Variants in PACRG observed in about 807,000 individuals in gnomAD.
PACRG encodes the protein parkin coregulated.
A neutral mutation model predicts 29.7 loss-of-function variants in PACRG; 29 were observed. The ratio of observed to expected loss-of-function variants is 0.98; its 90% CI spans 0.73 to 1.33. PACRG has a LOEUF of 1.33. PACRG is among the 40% of genes most tolerant of loss of function. The probability of loss-of-function intolerance (pLI) is 0.00; values close to 1 mark genes in which losing one functional copy is unlikely to be tolerated. For synonymous variants in PACRG, 116 were observed against 118.7 expected (o/e 0.98, Z 0.15); for missense variants, 279 against 316.2 (o/e 0.88, Z 0.89).
At chr6:162,909,407 T>G (rs1796151391) in intron 2 of PACRG, among the ~76,000 whole-genome samples, 1 of 151,736 alleles carries the variant, frequency 6.6e-6, no homozygotes, top group Admixed American at 6.6e-5. Flanking sequence ...TACAAAAAAT[T>G]AGCCAGGCGT....
intron 2 of PACRG, among the ~76,000 whole-genome samples, chr6:162,967,348 G>A (rs1257841520): frequency 2.6e-5 from 4 of 152,064 alleles, no homozygotes; most frequent in African/African-American, 9.7e-5. Context: ...CTGAAAGTGT[G>A]TTATTAAAAG....
intron 4 of PACRG, among the ~76,000 whole-genome samples, chr6:163,303,684 T>C (rs1442956783): frequency 6.6e-6 from 1 of 151,996 alleles, no homozygotes; most frequent in Non-Finnish European, 1.5e-5. Flanking sequence ...AAAAATCCGA[T>C]ATGTTCTTCT....
At chr6:162,936,943 T>G (rs1798276766) in intron 2 of PACRG, among the ~76,000 whole-genome samples, 1 of 152,156 alleles carries the variant, frequency 6.6e-6, no homozygotes, top group Admixed American at 6.5e-5. Flanking sequence ...GGCCATCTTT[T>G]CAGTTTCTGA....
At chr6:163,035,363 A>C (rs761253946) in intron 2 of PACRG, among the ~76,000 whole-genome samples, 1 of 152,108 alleles carries the variant, frequency 6.6e-6, no homozygotes, top group Non-Finnish European at 1.5e-5. Flanking sequence ...AAATACAAAA[A>C]TTAGGCTGGG....
At position 162,939,920 on chromosome 6, in the gene PACRG, A is replaced by T. The variant is rs1277197113; in HGVS notation, c.292-122230A>T. ...ATACAGTAAATTAGTTCATACTGGT[A>T]ATTATATTTTCTAAAATTATTGAAG... On this transcript the variant is annotated intron_variant, in intron 2 of 4. Transcript: ENST00000366888. Among the ~76,000 whole-genome samples the T allele has an allele frequency of 2.0e-5, 3 of 152,168 alleles. No individual in the cohort carries two copies. The East Asian group carries it at 5.8e-4, about 29-fold the overall frequency.
intron 2 of PACRG, among the ~76,000 whole-genome samples, chr6:162,962,237 T>C (rs1385930864): frequency 2.0e-5 from 3 of 152,176 alleles, no homozygotes; most frequent in African/African-American, 7.2e-5. Flanking sequence ...CTAATGCCCT[T>C]TACCAGGCTC....
At chr6:163,226,163 A>G (rs550150919) in intron 4 of PACRG, among the ~76,000 whole-genome samples, 4 of 152,270 alleles carry the variant, frequency 2.6e-5, no homozygotes, top group Non-Finnish European at 4.4e-5. Flanking sequence ...AGTCAAATTC[A>G]TAGAAGCAGA....
intron 2 of PACRG, among the ~76,000 whole-genome samples, chr6:162,934,836 G>T (rs1798118629): frequency 6.6e-6 from 1 of 152,084 alleles, no homozygotes; most frequent in South Asian, 2.1e-4. Flanking sequence ...ACACATGCAG[G>T]GTTCCCTTAA....
chr6:163,262,153 G>A (rs1429103107), intron 4 of PACRG, among the ~76,000 whole-genome samples: 1 of 152,194 alleles, frequency 6.6e-6, no homozygotes, highest in Non-Finnish European at 1.5e-5. Context: ...CCTGGCCCAA[G>A]ACTTTGAGCT....
intron 4 of PACRG, among the ~76,000 whole-genome samples, chr6:163,189,209 T>G (rs1780090732): frequency 6.6e-6 from 1 of 152,256 alleles, no homozygotes; most frequent in Admixed American, 6.5e-5. Context: ...AACATAGTTT[T>G]GTTAAAGAAA....
At chr6:163,017,511 A>T (rs865871169) in intron 2 of PACRG, among the ~76,000 whole-genome samples, 2 of 152,156 alleles carry the variant, frequency 1.3e-5, no homozygotes, top group African/African-American at 2.4e-5. Flanking sequence ...AATTAACCAA[A>T]AGAGAGAGAG....
chr6:162,819,408 C>T (rs1787642375), intron 2 of PACRG, among the ~76,000 whole-genome samples: 1 of 152,092 alleles, frequency 6.6e-6, no homozygotes, highest in Non-Finnish European at 1.5e-5. Flanking sequence ...TAAATGTTGA[C>T]ATACATATGT....
intron 2 of PACRG, among the ~76,000 whole-genome samples, chr6:162,921,698 C>T (rs972392280): frequency 2.0e-5 from 3 of 152,108 alleles, no homozygotes; most frequent in Non-Finnish European, 4.4e-5. Context: ...TTATTGGATA[C>T]AGAGTTATAT....
rs147501169 is a variant in PACRG at position 163,003,111 on chromosome 6, C to A, written c.292-59039C>A. Among the ~76,000 whole-genome samples the A allele has an allele frequency of 9.8e-5, 15 of 152,308 alleles. No individual in the cohort carries two copies. The East Asian group carries it at 2.1e-3, about 22-fold the overall frequency. ...CTTCATTCTCACCAGCTGCTGCTAA[C>A]TCCAACATGGCAGTCTAGTGCCAAT... On this transcript the variant is annotated intron_variant, in intron 2 of 4. Coordinates refer to ENST00000366888, the MANE Select transcript of PACRG (RefSeq NM_001080379.2).
At chr6:163,236,085 G>A (rs9458764) in intron 4 of PACRG, among the ~76,000 whole-genome samples, 63,080 of 151,904 alleles carry the variant, frequency 0.42, 14,092 homozygotes, top group African/African-American at 0.58. Context: ...TGTCAGGGCA[G>A]CAATGGCTAC....
At chr6:162,931,104 T>C (rs1797820899) in intron 2 of PACRG, among the ~76,000 whole-genome samples, 1 of 151,746 alleles carries the variant, frequency 6.6e-6, no homozygotes, top group South Asian at 2.1e-4. Context: ...TTTGCAAGTA[T>C]TCTTTCTTCT....
At chr6:162,953,869 A>G (rs1191328317) in intron 2 of PACRG, among the ~76,000 whole-genome samples, 1 of 152,214 alleles carries the variant, frequency 6.6e-6, no homozygotes, top group Non-Finnish European at 1.5e-5. Context: ...TTGGTTTTGC[A>G]AAAAAGCAGA....
At position 162,815,745 on chromosome 6, in the gene PACRG, C is replaced by A. The variant is rs115661625; in HGVS notation, c.291+1464C>A. On this transcript the variant is annotated intron_variant, in intron 2 of 4. Transcript: ENST00000366888. ...AAAGTTTTGTTTGGATTTTTGGATTCATATATTTGATTGGTTGCATGGATT... is the reference window on the plus strand; with the variant it reads ...AAAGTTTTGTTTGGATTTTTGGATTAATATATTTGATTGGTTGCATGGATT... 6.9e-3 allele frequency among the ~76,000 whole-genome samples: 1,054 copies of A among 151,982 alleles called. 10 individuals carry two copies. Among genetic ancestry groups the A allele is most frequent in the African/African-American group, 0.023 (969 of 41,452 alleles).
intron 1 of PACRG, among the ~76,000 whole-genome samples, chr6:162,809,632 T>A (rs896748403): frequency 2.6e-5 from 4 of 152,080 alleles, no homozygotes; most frequent in Admixed American, 6.5e-5. Flanking sequence ...ATATTCAGTA[T>A]AAGAGACAAA....
Sources: gnomAD v4.1 joint callset for allele counts (sites outside exome capture counted in the v4.1 genomes callset) on GRCh38, gnomAD v4.1.1 for gene constraint, MANE v1.5 for transcripts, NCBI Gene and HGNC (gene_info 2026-07-23, HGNC 2026-07-21) for gene names.